Variants in GSE1 observed in about 807,000 individuals in gnomAD.
GSE1 encodes the protein genetic suppressor element 1.
GSE1 carries 32 observed loss-of-function variants against 112.6 expected under a neutral mutation model. The ratio of observed to expected loss-of-function variants is 0.28; its 90% CI spans 0.21 to 0.38. The LOEUF is 0.38. GSE1 is among the 10% of genes least tolerant of loss of function. The pLI, the probability that GSE1 is intolerant of heterozygous loss-of-function variation, is 1.00. For missense variants in GSE1, 2,348 were observed against 1,699.2 expected, an observed-to-expected ratio of 1.38 and a Z score of -6.71; for synonymous variants, 1,115 against 735.6, an observed-to-expected ratio of 1.52 and a Z score of -8.35.
chr16:85,567,034 G>GCCCCCCCCC (rs2045781490), intron 1 of GSE1, among the ~76,000 whole-genome samples: 2 of 146,714 alleles, frequency 1.4e-5, no homozygotes, highest in Non-Finnish European at 1.5e-5. Context: ...TGTTACTCCC[G>GCCCCCCCCC]CCCCCACCCC....
At chr16:85,638,280 C>T (rs528556971) in intron 2 of GSE1, among the ~76,000 whole-genome samples, 36 of 152,284 alleles carry the variant, frequency 2.4e-4, no homozygotes, top group African/African-American at 8.7e-4. Flanking sequence ...AGGAGGCCCT[C>T]GCTGGGATTT....
At chr16:85,407,932 C>A (rs1384157189) in intron 2 of GSE1, among the ~76,000 whole-genome samples, 1 of 43,020 alleles carries the variant, frequency 2.3e-5, no homozygotes, top group Non-Finnish European at 4.6e-5. Flanking sequence ...TACTCTCAGG[C>A]CCCCCTGGAT....
chr16:85,391,752 C>G (rs1433939875), intron 2 of GSE1, among the ~76,000 whole-genome samples: 1 of 152,204 alleles, frequency 6.6e-6, no homozygotes, highest in Non-Finnish European at 1.5e-5. Context: ...TTCAAGCTGA[C>G]ATGTGTGCCC....
rs1383417713 is a variant in GSE1, at chr16:85,396,873, G to A, written c.2464+39230G>A. Among the ~76,000 whole-genome samples the A allele has an allele frequency of 4.0e-5, 6 of 151,896 alleles. No individual in the cohort carries two copies. The East Asian group carries it at 1.2e-3, about 29-fold the overall frequency. ...GGGGTGCCCTCTCCAGGGAGCCCGT[G>A]AAGGTCAGAGAGAGACAGAGAGCAA... is the stretch of plus-strand genomic sequence containing the variant. On this transcript the variant is annotated intron_variant, in intron 2 of 2. Transcript: ENST00000637419.
upstream of GSE1, among the ~76,000 whole-genome samples, chr16:85,552,036 TTTTC>T (rs1445651266): frequency 1.3e-5 from 2 of 151,988 alleles, no homozygotes; most frequent in East Asian, 3.9e-4. Flanking sequence ...TCTTTTTTTT[TTTTC>T]TTTGAGACGG....
intron 2 of GSE1, among the ~76,000 whole-genome samples, chr16:85,371,985 C>T (rs1597512434): frequency 2.0e-5 from 3 of 152,206 alleles, no homozygotes; most frequent in Non-Finnish European, 4.4e-5. Context: ...TGCAGAGGGG[C>T]TCCGCCTCTG....
chr16:85,316,530 C>G (rs2045989357), intron 1 of GSE1, among the ~76,000 whole-genome samples: 1 of 152,196 alleles, frequency 6.6e-6, no homozygotes, highest in Non-Finnish European at 1.5e-5. Context: ...GATCTGAGGT[C>G]TCTCCCACTG....
At chr16:85,414,380 G>A (rs145778505) in intron 2 of GSE1, among the ~76,000 whole-genome samples, 35 of 152,276 alleles carry the variant, frequency 2.3e-4, no homozygotes, top group African/African-American at 7.0e-4. Flanking sequence ...ATATCATGAC[G>A]CAGGCCATGT....
intron 1 of GSE1, among the ~76,000 whole-genome samples, chr16:85,602,680 A>G (rs2151488492): frequency 6.6e-6 from 1 of 152,306 alleles, no homozygotes; most frequent in East Asian, 1.9e-4. Context: ...CCACGAAGCC[A>G]GAGGAAAGCC....
chr16:85,400,177 G>A (rs549663476), intron 2 of GSE1, among the ~76,000 whole-genome samples: 2 of 152,310 alleles, frequency 1.3e-5, no homozygotes, highest in Admixed American at 6.5e-5. Context: ...TCCGCCAGAC[G>A]CCCCACAGGC....
chr16:85,341,669 A>C (rs1028771108), intron 1 of GSE1, among the ~76,000 whole-genome samples: 3 of 152,010 alleles, frequency 2.0e-5, no homozygotes, highest in African/African-American at 7.2e-5. Context: ...AATAAAAATA[A>C]ATAAAAATTT....
At chr16:85,364,692 C>G (rs1473067895) in intron 2 of GSE1, among the ~76,000 whole-genome samples, 1 of 152,184 alleles carries the variant, frequency 6.6e-6, no homozygotes, top group Non-Finnish European at 1.5e-5. Context: ...CCTGGATACT[C>G]TCCCGCTGTG....
At position 85,328,253 on chromosome 16, in the gene GSE1, G is replaced by A. The variant is rs112850349; in HGVS notation, c.2284-29210G>A. Among the ~76,000 whole-genome samples, 5 of 152,224 alleles carry A rather than the reference G, an allele frequency of 3.3e-5. No individual in the cohort carries two copies. The East Asian group carries it at 5.8e-4, about 18-fold the overall frequency. On this transcript the variant is annotated intron_variant, in intron 1 of 2. Coordinates refer to the GSE1 transcript ENST00000637419. ...TCCACAGCAAGCCCCCAGACGGGGC[G>A]AAAGGGCCTGGAATTCCCTGTCCAG...
At chr16:85,414,502 A>T (rs956355399) in intron 2 of GSE1, among the ~76,000 whole-genome samples, 1 of 152,236 alleles carries the variant, frequency 6.6e-6, no homozygotes, top group Non-Finnish European at 1.5e-5. Flanking sequence ...ACAGAATGAC[A>T]TCGCCATGCC....
At chr16:85,454,765 G>A (rs184451848) in intron 2 of GSE1, among the ~76,000 whole-genome samples, 1 of 152,132 alleles carries the variant, frequency 6.6e-6, no homozygotes, top group East Asian at 1.9e-4. Flanking sequence ...TCCAGGCTCT[G>A]CCTCCATCAT....
chr16:85,363,316 G>T (rs1597490538), intron 2 of GSE1, among the ~76,000 whole-genome samples: 2 of 152,324 alleles, frequency 1.3e-5, no homozygotes, highest in African/African-American at 4.8e-5. Context: ...GGGGCTGATT[G>T]CCCCTTTGGG....
intron 1 of GSE1, among the ~76,000 whole-genome samples, chr16:85,323,742 T>A (rs1320025125): frequency 6.6e-6 from 1 of 152,206 alleles, no homozygotes; most frequent in East Asian, 1.9e-4. Flanking sequence ...GTGCAGACAC[T>A]TGGGGCCCCA....
At chr16:85,634,973 G>A (rs759971072) in intron 2 of GSE1, among the ~76,000 whole-genome samples, 5 of 152,110 alleles carry the variant, frequency 3.3e-5, no homozygotes, top group African/African-American at 4.8e-5. Flanking sequence ...AGGAAACCGG[G>A]ACCCCAGTGG....
In GSE1 at chr16:85,519,056, G is replaced by A. The variant is rs114490480; in HGVS notation, c.2465-114858G>A. 2.4e-3 allele frequency among the ~76,000 whole-genome samples: 368 copies of A among 152,290 alleles called. 3 individuals are homozygous for A. The highest frequency in any genetic ancestry group is 8.3e-3 in the African/African-American group (345 of 41,546). On this transcript the variant is annotated intron_variant, in intron 2 of 2. Coordinates refer to the GSE1 transcript ENST00000637419. ...ATGGCTGCAGATCACTTTGCATTTT[G>A]TGCCTCAGTTTCTCCTCTGGACAAG... is the stretch of plus-strand genomic sequence containing the variant.
Sources: allele counts gnomAD v4.1 joint callset (sites outside exome capture counted in the v4.1 genomes callset), GRCh38; gene constraint gnomAD v4.1.1; transcripts MANE v1.5; gene names NCBI Gene and HGNC (gene_info 2026-07-23, HGNC 2026-07-21).